The following DRC7 variants were observed in gnomAD, a reference collection of about 807,000 sequenced individuals.
DRC7 encodes coiled-coil domain containing 135.
DRC7 carries 80 observed loss-of-function variants against 104.4 expected under a neutral mutation model. The observed-to-expected ratio is 0.77, with a 90% CI of 0.64 to 0.92. The LOEUF (loss-of-function observed/expected upper bound fraction) is 0.92. DRC7 is among the 40% of genes least tolerant of loss of function. The pLI, the probability that DRC7 is intolerant of heterozygous loss-of-function variation, is 0.00. For synonymous variants in DRC7, 405 were observed against 447.3 expected, an observed-to-expected ratio of 0.91 and a Z score of 1.19; for missense variants, 1,034 against 1,141.1, an observed-to-expected ratio of 0.91 and a Z score of 1.35.
chr16:57,698,235 T>C, intron 3 of DRC7, 83 bp downstream of exon 3: 1 of 1,586,418 alleles, frequency 6.3e-7, no homozygotes, highest in Non-Finnish European at 8.6e-7. Flanking sequence ...TGGTGCCTGG[T>C]CTGGTAGGGT....
chr16:57,720,404 G>A (rs2048890350), intron 9 of DRC7, among the ~76,000 whole-genome samples: 1 of 152,232 alleles, frequency 6.6e-6, no homozygotes, highest in Non-Finnish European at 1.5e-5. Context: ...TCCAGAGACT[G>A]GGGACATCTT....
intron 6 of DRC7, among the ~76,000 whole-genome samples, chr16:57,703,967 CAAAAAAAAAAAAA>C (rs35232247): frequency 9.3e-5 from 6 of 64,380 alleles, no homozygotes; most frequent in East Asian, 4.7e-4. Flanking sequence ...ACTCTGGCTC[CAAAAAAAAAAAAA>C]AAAAAAAAAA....
At chr16:57,727,472 T>TCTA in intron 16 of DRC7, 63 bp downstream of exon 16, 1 of 1,257,256 alleles carries the variant, frequency 8.0e-7, no homozygotes, top group Non-Finnish European at 1.2e-6. Flanking sequence ...TCCAGGGTGG[T>TCTA]GGGGACCATG....
At chr16:57,709,879 C>A (rs142130810) in intron 8 of DRC7, among the ~76,000 whole-genome samples, 52 of 152,228 alleles carry the variant, frequency 3.4e-4, no homozygotes, top group African/African-American at 1.2e-3. Context: ...TCTTCCACCT[C>A]AGCCTCCCGA....
intron 16 of DRC7, among the ~76,000 whole-genome samples, chr16:57,727,788 G>T (rs566321912): frequency 1.3e-4 from 20 of 152,344 alleles, no homozygotes; most frequent in African/African-American, 4.1e-4. Flanking sequence ...GGGCATTCAG[G>T]TTACACCTTC....
intron 17 of DRC7, 112 bp from the exon 18 acceptor site, chr16:57,730,819 C>T: frequency 7.7e-6 from 9 of 1,175,868 alleles, no homozygotes; most frequent in Non-Finnish European, 1.1e-5. Context: ...TGAGTGGGGA[C>T]ACTGGGGCCA....
chr16:57,728,638 A>T, intron 17 of DRC7, 54 bp downstream of exon 17: 1 of 1,441,150 alleles, frequency 6.9e-7, no homozygotes, highest in Non-Finnish European at 9.3e-7. Flanking sequence ...TGCATCCAGG[A>T]AATGGGCCCA....
intron 7 of DRC7, among the ~76,000 whole-genome samples, chr16:57,705,919 C>A (rs2048716689): frequency 7.0e-6 from 1 of 143,018 alleles, no homozygotes; most frequent in Non-Finnish European, 1.5e-5. Context: ...TCCATCCATT[C>A]TCCCATCCAT....
At chr16:57,728,648 A>G in intron 17 of DRC7, 64 bp downstream of exon 17, 4 of 1,374,942 alleles carry the variant, frequency 2.9e-6, no homozygotes, top group Non-Finnish European at 3.9e-6. Context: ...AAATGGGCCC[A>G]CGGCTGTCCG....
chr16:57,727,039 A>G, intron 15 of DRC7, 97 bp downstream of exon 15: 1 of 779,748 alleles, frequency 1.3e-6, no homozygotes, highest in Non-Finnish European at 2.2e-6. Context: ...TGGCGCAATT[A>G]TGGCTCTACA....
chr16:57,723,848 A>G (rs2148767550), intron 12 of DRC7, among the ~76,000 whole-genome samples: 2 of 152,180 alleles, frequency 1.3e-5, no homozygotes, highest in Admixed American at 1.3e-4. Flanking sequence ...GAAACTAATA[A>G]GGTCCCTAAC....
intron 8 of DRC7, among the ~76,000 whole-genome samples, chr16:57,711,434 C>T (rs759319381): frequency 2.0e-5 from 3 of 152,180 alleles, no homozygotes; most frequent in Non-Finnish European, 4.4e-5. Context: ...AGTGAGGATT[C>T]GTGGCTTTTT....
intron 2 of DRC7, among the ~76,000 whole-genome samples, chr16:57,697,691 G>A (rs888710651): frequency 3.3e-5 from 5 of 152,196 alleles, no homozygotes; most frequent in African/African-American, 1.2e-4. Context: ...TGTCTTTGTT[G>A]TAAAGGAATA....
chr16:57,718,625 C>T (rs974483251), intron 9 of DRC7, 150 bp downstream of exon 9: 10 of 991,716 alleles, frequency 1.0e-5, no homozygotes, highest in Non-Finnish European at 1.5e-5. Flanking sequence ...TGAGCAATTC[C>T]CTTATTTTAC....
intron 8 of DRC7, chr16:57,715,024 A>C: frequency 3.9e-6 from 1 of 254,682 alleles, no homozygotes; most frequent in Non-Finnish European, 7.8e-6. Context: ...GACAATGTTG[A>C]TTTCTATATA....
At chr16:57,727,975 G>A (rs373016097) in intron 16 of DRC7, among the ~76,000 whole-genome samples, 245 of 152,316 alleles carry the variant, frequency 1.6e-3, no homozygotes, top group Non-Finnish European at 2.7e-3. Context: ...GTCTGCAGAT[G>A]GAGGACACAG....
intron 8 of DRC7, among the ~76,000 whole-genome samples, chr16:57,712,042 C>T (rs1435851029): frequency 6.6e-6 from 1 of 152,160 alleles, no homozygotes; most frequent in Non-Finnish European, 1.5e-5. Context: ...CTAATCTAGT[C>T]CCTAAGCAAG....
intron 17 of DRC7, among the ~76,000 whole-genome samples, chr16:57,730,040 G>A (rs1597816874): frequency 7.3e-6 from 1 of 136,204 alleles, no homozygotes; most frequent in East Asian, 2.4e-4. Flanking sequence ...GTGGAAGGAC[G>A]GATGGACGGA....
At position 57,717,028 on chromosome 16, in the gene DRC7, A is replaced by G. The variant is rs369288708; in HGVS notation, c.1078-1319A>G. Among the ~76,000 whole-genome samples, 14 of 151,486 alleles carry G rather than the reference A, an allele frequency of 9.2e-5. No individual in the cohort carries two copies. The East Asian group carries it at 2.6e-3, about 28-fold the overall frequency. Reference sequence around the variant, plus strand: ...AAAAATTAGCTGGGCTGTGGTGGCGAGCACTTGTAGTCCCAGCTACTCAGG... The same window carrying G: ...AAAAATTAGCTGGGCTGTGGTGGCGGGCACTTGTAGTCCCAGCTACTCAGG... On this transcript the variant is annotated intron_variant, in intron 8 of 18. Transcript: ENST00000360716.
Sources: gnomAD v4.1 joint callset for allele counts (sites outside exome capture counted in the v4.1 genomes callset) on GRCh38, gnomAD v4.1.1 for gene constraint, MANE v1.5 for transcripts, NCBI Gene and HGNC (gene_info 2026-07-23, HGNC 2026-07-21) for gene names.